Variants in LINGO2 observed in about 807,000 individuals in gnomAD.
The protein encoded by LINGO2 is leucine rich repeat and Ig domain containing 2.
A neutral mutation model predicts 30.6 loss-of-function variants in LINGO2; 14 were observed. The ratio of observed to expected loss-of-function variants is 0.46; its 90% CI spans 0.30 to 0.72. LINGO2 has a LOEUF of 0.72. Among genes scored for constraint, LINGO2 ranks in the 30% least tolerant of loss-of-function variants. The pLI is 0.07. For synonymous variants in LINGO2, 317 were observed against 288.5 expected (o/e 1.10, Z -1.00); for missense variants, 729 against 751.7 (o/e 0.97, Z 0.35).
At chr9:28,865,468 G>A in the LINGO2 span, among the ~76,000 whole-genome samples, 10 of 152,056 alleles carry the variant, frequency 6.6e-5, no homozygotes, top group Admixed American at 4.6e-4. Context: ...AATACATTTA[G>A]AGTTTGACAT....
the LINGO2 span, among the ~76,000 whole-genome samples, chr9:28,886,071 TACAA>T: frequency 1.3e-5 from 2 of 152,198 alleles, no homozygotes; most frequent in Admixed American, 1.3e-4. Flanking sequence ...TAAGTATTGA[TACAA>T]ATAAATAGAA....
At chr9:29,179,120 T>C in the LINGO2 span, among the ~76,000 whole-genome samples, 3 of 146,464 alleles carry the variant, frequency 2.0e-5, no homozygotes. Flanking sequence ...CTTTACTTAC[T>C]AGAAAAGTAA....
chr9:28,790,283 A>ATCAT, the LINGO2 span, among the ~76,000 whole-genome samples: 1 of 149,056 alleles, frequency 6.7e-6, no homozygotes, highest in Non-Finnish European at 1.5e-5. Context: ...CAATGCCTAC[A>ATCAT]TCATTCACCT....
intron 4 of LINGO2, among the ~76,000 whole-genome samples, chr9:28,231,035 C>CTATAAG (rs1310943531): frequency 6.6e-6 from 1 of 151,728 alleles, no homozygotes; most frequent in Non-Finnish European, 1.5e-5. Context: ...TCATGAGTTC[C>CTATAAG]TATAAGACAA....
intron 1 of LINGO2, among the ~76,000 whole-genome samples, chr9:28,583,605 A>T (rs779515615): frequency 1.3e-5 from 2 of 151,970 alleles, no homozygotes; most frequent in African/African-American, 2.4e-5. Flanking sequence ...AAAGAAAAAA[A>T]TTTTTCTTTT....
chr9:28,039,484 G>T (rs749742839), intron 4 of LINGO2, among the ~76,000 whole-genome samples: 1 of 152,134 alleles, frequency 6.6e-6, no homozygotes. Context: ...CATCTAGGTT[G>T]CCTTGAAGGA....
the LINGO2 span, among the ~76,000 whole-genome samples, chr9:29,085,546 G>C: frequency 1.3e-5 from 2 of 151,700 alleles, no homozygotes. Flanking sequence ...TAAATTTGAG[G>C]GTCCACATGA....
chr9:28,354,441 A>G (rs2134464359), intron 3 of LINGO2, among the ~76,000 whole-genome samples: 1 of 152,336 alleles, frequency 6.6e-6, no homozygotes, highest in South Asian at 2.1e-4. Flanking sequence ...ATATGATAGT[A>G]TGTAATAGCG....
At chr9:28,960,826 A>G in the LINGO2 span, among the ~76,000 whole-genome samples, 2 of 85,900 alleles carry the variant, frequency 2.3e-5, no homozygotes, top group Admixed American at 1.2e-4. Flanking sequence ...ATTCTAGAAA[A>G]TGTTGAAAAA....
At chr9:28,046,943 G>T (rs913254948) in intron 4 of LINGO2, among the ~76,000 whole-genome samples, 4 of 152,080 alleles carry the variant, frequency 2.6e-5, no homozygotes, top group African/African-American at 4.8e-5. Flanking sequence ...TATGTGATTT[G>T]AGAAGTTGTA....
chr9:28,808,572 G>C, the LINGO2 span, among the ~76,000 whole-genome samples: 5 of 152,146 alleles, frequency 3.3e-5, no homozygotes, highest in Admixed American at 3.3e-4. Context: ...CAATTTTATA[G>C]AATCCCAGTT....
the LINGO2 span, among the ~76,000 whole-genome samples, chr9:28,954,554 T>G: frequency 2.6e-5 from 4 of 152,182 alleles, no homozygotes; most frequent in Admixed American, 2.6e-4. Flanking sequence ...GTTGCCAGAT[T>G]GAATTGTGCT....
Position 28,429,010 on chromosome 9 carries a change from A to T in LINGO2, c.-279+46930T>A, listed in dbSNP as rs16913031. Among the ~76,000 whole-genome samples, 1,495 of 152,292 alleles carry T rather than the reference A, an allele frequency of 9.8e-3. 55 individuals carry two copies. In the East Asian group the frequency reaches 0.099, roughly 10 times the overall value. On this transcript the variant is annotated intron_variant, in intron 2 of 5. Transcript: ENST00000379992. ...GACTTAAGAATCTAACTTGTTAAAT[A>T]ATTTTGGTTGAAAATAAAGCATACT...
intron 5 of LINGO2, among the ~76,000 whole-genome samples, chr9:27,988,211 G>A (rs1409560779): frequency 6.6e-6 from 1 of 152,014 alleles, no homozygotes; most frequent in Non-Finnish European, 1.5e-5. Context: ...AGTATTCCAT[G>A]GTGTATATGT....
At chr9:29,087,273 T>C in the LINGO2 span, among the ~76,000 whole-genome samples, 3 of 152,194 alleles carry the variant, frequency 2.0e-5, no homozygotes, top group Admixed American at 1.3e-4. Context: ...GTTACTCACC[T>C]GTGGTATGGC....
the LINGO2 span, among the ~76,000 whole-genome samples, chr9:29,080,947 G>C: frequency 6.6e-6 from 1 of 151,876 alleles, no homozygotes; most frequent in Non-Finnish European, 1.5e-5. Context: ...GGATTGTTCT[G>C]TAGATGTCTA....
At chr9:28,028,630 A>T (rs988878403) in intron 4 of LINGO2, among the ~76,000 whole-genome samples, 1 of 152,202 alleles carries the variant, frequency 6.6e-6, no homozygotes, top group Non-Finnish European at 1.5e-5. Context: ...CTGTATAAAA[A>T]ATGGCATAGT....
intron 1 of LINGO2, among the ~76,000 whole-genome samples, chr9:28,602,848 A>C (rs557983996): frequency 1.1e-4 from 17 of 152,062 alleles, no homozygotes; most frequent in Middle Eastern, 3.2e-3. Flanking sequence ...CAATCGCATA[A>C]TCTGGCATGA....
chr9:28,327,050 C>T (rs905794597), intron 3 of LINGO2, among the ~76,000 whole-genome samples: 1 of 152,060 alleles, frequency 6.6e-6, no homozygotes, highest in Non-Finnish European at 1.5e-5. Context: ...GTGATTAGGT[C>T]ATGAGGGCTC....
Sources: allele counts gnomAD v4.1 joint callset (sites outside exome capture counted in the v4.1 genomes callset), GRCh38; gene constraint gnomAD v4.1.1; transcripts MANE v1.5; gene names NCBI Gene and HGNC (gene_info 2026-07-23, HGNC 2026-07-21).